THSD7B: variants seen among roughly 807,000 people sequenced by gnomAD.
The protein encoded by THSD7B is thrombospondin type-1 domain-containing protein 7B.
Under a neutral mutation model 213.6 loss-of-function variants are expected in THSD7B, and 138 were observed. That is an observed-to-expected ratio of 0.65 (90% CI 0.56 to 0.74). The LOEUF is 0.74. Ranked by LOEUF, THSD7B falls within the 30% of genes least tolerant of loss-of-function variation. The pLI, the probability that THSD7B is intolerant of heterozygous loss-of-function variation, is 0.00. For missense variants in THSD7B, 1,931 were observed against 1,991.5 expected (o/e 0.97, Z 0.58); for synonymous variants, 742 against 687.0 (o/e 1.08, Z -1.25).
intron 7 of THSD7B, among the ~76,000 whole-genome samples, chr2:137,198,658 C>T (rs922182245): frequency 1.3e-5 from 2 of 152,022 alleles, no homozygotes; most frequent in East Asian, 3.9e-4. Flanking sequence ...TATAAAAAGG[C>T]TGGGGGTGGG....
intron 15 of THSD7B, among the ~76,000 whole-genome samples, chr2:137,546,467 TATATATATATA>T (rs1317537378): frequency 7.0e-5 from 2 of 28,654 alleles, no homozygotes; most frequent in South Asian, 1.0e-3. Flanking sequence ...ATATATAATA[TATATATATATA>T]ATATATATAT....
In THSD7B at chr2:137,064,373, A is replaced by G. The variant is rs150178156; in HGVS notation, c.950+7143A>G. Among the ~76,000 whole-genome samples the G allele has an allele frequency of 3.1e-3, 464 of 151,680 alleles. 3 individuals are homozygous for G. Among genetic ancestry groups the G allele is most frequent in the African/African-American group, 0.011 (444 of 41,396 alleles). On this transcript the variant is annotated intron_variant, in intron 3 of 27. Transcript: ENST00000409968. Reference sequence around the variant, plus strand: ...TGTATTATTATATTTTTTCCTATTGAGTTGTTTGAGCTTCTTATGTAATCT... The same window carrying G: ...TGTATTATTATATTTTTTCCTATTGGGTTGTTTGAGCTTCTTATGTAATCT...
At chr2:137,062,220 T>A (rs1158334428) in intron 3 of THSD7B, among the ~76,000 whole-genome samples, 1 of 151,702 alleles carries the variant, frequency 6.6e-6, no homozygotes, top group East Asian at 1.9e-4. Flanking sequence ...ATAATTTGTA[T>A]CCTCTCTTTT....
intron 3 of THSD7B, among the ~76,000 whole-genome samples, chr2:137,091,747 C>T (rs542714073): frequency 6.6e-6 from 1 of 152,190 alleles, no homozygotes; most frequent in African/African-American, 2.4e-5. Flanking sequence ...ATTTTAATCA[C>T]CTCTTTAGTC....
At position 137,315,929 on chromosome 2, in the gene THSD7B, G is replaced by A. The variant is rs574577356; in HGVS notation, c.2500+39903G>A. ...TTGATGATGTTTTAACACCTAGTAT[G>A]CTATTTTTTTCATTGTACAGTTATT... On this transcript the variant is annotated intron_variant, in intron 12 of 27. Coordinates refer to ENST00000409968, the MANE Select transcript of THSD7B (RefSeq NM_001316349.2). Among the ~76,000 whole-genome samples the A allele has an allele frequency of 3.9e-5, 6 of 152,042 alleles. No individual in the cohort carries two copies. The South Asian group carries it at 1.2e-3, about 32-fold the overall frequency.
chr2:137,514,053 A>T (rs925395532), intron 15 of THSD7B, among the ~76,000 whole-genome samples: 10 of 152,168 alleles, frequency 6.6e-5, no homozygotes, highest in African/African-American at 2.4e-4. Context: ...TTTTCCCACT[A>T]GATATCAATT....
chr2:137,293,496 TTCTC>T (rs200375526), intron 12 of THSD7B, among the ~76,000 whole-genome samples: 90 of 150,562 alleles, frequency 6.0e-4, no homozygotes, highest in African/African-American at 2.0e-3. Context: ...TTTTTCCTTT[TTCTC>T]TCTCTCTCTA....
intron 7 of THSD7B, among the ~76,000 whole-genome samples, chr2:137,199,262 G>A (rs541714433): frequency 5.3e-5 from 8 of 152,048 alleles, no homozygotes; most frequent in South Asian, 4.2e-4. Context: ...AAAATATATC[G>A]AAAGATAATG....
At chr2:137,555,165 T>A (rs1680931219) in intron 15 of THSD7B, among the ~76,000 whole-genome samples, 1 of 152,202 alleles carries the variant, frequency 6.6e-6, no homozygotes, top group Non-Finnish European at 1.5e-5. Flanking sequence ...CAGACTTAAA[T>A]GTCCCTGTCT....
chr2:136,804,438 AC>A (rs1491187004), intron 1 of THSD7B, among the ~76,000 whole-genome samples: 2 of 138,592 alleles, frequency 1.4e-5, no homozygotes, highest in Non-Finnish European at 3.2e-5. Context: ...ACACACACAC[AC>A]CCTTACCCTT....
rs192005674 is a variant in THSD7B at position 137,627,389 on chromosome 2, G to A, written c.3799+6663G>A. On this transcript the variant is annotated intron_variant, in intron 20 of 27. Coordinates refer to ENST00000409968, the MANE Select transcript of THSD7B (RefSeq NM_001316349.2). The stretch of plus-strand genomic sequence containing the variant: ...GCAAATTAAACAGGGGAGGAGATGG[G>A]AAGAACTGCAGTTTGGAGAAATCAT... 3.8e-4 allele frequency among the ~76,000 whole-genome samples: 58 copies of A among 152,326 alleles called. 1 individual carries two copies. The highest frequency in any genetic ancestry group is 1.1e-3 in the African/African-American group (45 of 41,576).
intron 7 of THSD7B, among the ~76,000 whole-genome samples, chr2:137,222,667 C>T (rs1681397109): frequency 6.6e-6 from 1 of 152,148 alleles, no homozygotes; most frequent in South Asian, 2.1e-4. Context: ...TACAAACATA[C>T]AGAAAAGAGT....
rs529982292 is a variant in THSD7B at position 137,556,405 on chromosome 2, A to G, written c.3139-6816A>G. On this transcript the variant is annotated intron_variant, in intron 15 of 27. Transcript: ENST00000409968. ...CCAATATTCAACATTCTTAAAGAAA[A>G]GAATTTTCAACCCAGAATTTCATAT... Among the ~76,000 whole-genome samples, 33 of 152,296 alleles carry G rather than the reference A, an allele frequency of 2.2e-4. 1 individual carries two copies. The South Asian group carries it at 6.6e-3, about 31-fold the overall frequency.
intron 10 of THSD7B, among the ~76,000 whole-genome samples, chr2:137,243,856 T>C (rs1681967127): frequency 1.3e-5 from 2 of 152,214 alleles, no homozygotes; most frequent in Admixed American, 1.3e-4. Context: ...ATTAATATAG[T>C]AGCATACAAT....
intron 2 of THSD7B, among the ~76,000 whole-genome samples, chr2:137,055,714 A>G (rs1313661526): frequency 6.6e-6 from 1 of 152,220 alleles, no homozygotes; most frequent in Non-Finnish European, 1.5e-5. Flanking sequence ...AAATGAGTAC[A>G]CTTCAAGGAT....
chr2:137,618,009 G>A (rs1358116172), intron 18 of THSD7B, among the ~76,000 whole-genome samples: 3 of 152,258 alleles, frequency 2.0e-5, no homozygotes, highest in East Asian at 3.9e-4. Flanking sequence ...AACATCTGGA[G>A]CATAGCAACT....
intron 25 of THSD7B, among the ~76,000 whole-genome samples, chr2:137,662,060 TTC>T (rs1491400368): frequency 1.4e-5 from 2 of 147,414 alleles, no homozygotes; most frequent in Admixed American, 1.4e-4. Flanking sequence ...GTTTTCTTTT[TTC>T]TTTTTTTTTT....
intron 2 of THSD7B, among the ~76,000 whole-genome samples, chr2:137,021,595 C>T (rs1350647972): frequency 1.3e-5 from 2 of 151,986 alleles, no homozygotes; most frequent in African/African-American, 4.8e-5. Context: ...TACAGATTTC[C>T]CATGTGTCTT....
intron 2 of THSD7B, among the ~76,000 whole-genome samples, chr2:136,937,333 G>C (rs148322763): frequency 1.3e-5 from 2 of 151,486 alleles, no homozygotes. Flanking sequence ...CTGCTCCCCC[G>C]CCACCCGCTG....
Sources: gnomAD v4.1 joint callset for allele counts (sites outside exome capture counted in the v4.1 genomes callset) on GRCh38, gnomAD v4.1.1 for gene constraint, MANE v1.5 for transcripts, NCBI Gene and HGNC (gene_info 2026-07-23, HGNC 2026-07-21) for gene names.